The following GALNTL6 variants were observed in gnomAD, a reference collection of about 807,000 sequenced individuals.
The protein encoded by GALNTL6 is polypeptide N-acetylgalactosaminyltransferase like 6.
GALNTL6 carries 46 observed loss-of-function variants against 73.7 expected under a neutral mutation model. That is an observed-to-expected ratio of 0.62 (90% CI 0.49 to 0.80). The LOEUF is 0.80. Ranked by LOEUF, GALNTL6 falls within the 30% of genes least tolerant of loss-of-function variation. GALNTL6 has a pLI of 0.00. For synonymous variants in GALNTL6, 259 were observed against 263.7 expected, an observed-to-expected ratio of 0.98 and a Z score of 0.17; for missense variants, 604 against 755.0, an observed-to-expected ratio of 0.80 and a Z score of 2.34.
intron 2 of GALNTL6, among the ~76,000 whole-genome samples, chr4:172,084,775 T>C (rs1169669039): frequency 1.3e-5 from 2 of 152,200 alleles, no homozygotes; most frequent in Non-Finnish European, 2.9e-5. Context: ...ATCAGTATAA[T>C]GAGTCATATA....
At chr4:171,931,641 A>G (rs1184615664) in intron 2 of GALNTL6, among the ~76,000 whole-genome samples, 1 of 152,220 alleles carries the variant, frequency 6.6e-6, no homozygotes, top group Non-Finnish European at 1.5e-5. Context: ...TGCTTTATAT[A>G]AAAACAATTG....
At chr4:171,828,586 C>T (rs1024315529) in intron 2 of GALNTL6, among the ~76,000 whole-genome samples, 5 of 152,090 alleles carry the variant, frequency 3.3e-5, no homozygotes, top group East Asian at 1.9e-4. Flanking sequence ...CAATGCAGTA[C>T]GCTACATGTC....
rs575907031 is a variant in GALNTL6 at position 172,855,755 on chromosome 4, C to T, written c.924-27035C>T. Among the ~76,000 whole-genome samples the T allele has an allele frequency of 2.2e-4, 34 of 152,314 alleles. No individual in the cohort carries two copies. The South Asian group carries it at 2.7e-3, about 12-fold the overall frequency. ...AGAATTTCCTCAGCATGTAACATTT[C>T]GTTTTTGCACAGCTGTTTCCCGAGG... On this transcript the variant is annotated intron_variant, in intron 7 of 12. Coordinates refer to ENST00000506823, the MANE Select transcript of GALNTL6 (RefSeq NM_001034845.3).
intron 5 of GALNTL6, among the ~76,000 whole-genome samples, chr4:172,602,902 C>T (rs1402485642): frequency 1.3e-5 from 2 of 152,064 alleles, no homozygotes; most frequent in Non-Finnish European, 2.9e-5. Flanking sequence ...TAAAAAGGAA[C>T]AAACTGCTGA....
chr4:172,549,612 A>T (rs967290841), intron 5 of GALNTL6, among the ~76,000 whole-genome samples: 1 of 152,192 alleles, frequency 6.6e-6, no homozygotes, highest in Non-Finnish European at 1.5e-5. Context: ...TAAAAAAAAA[A>T]ATAACAAAAT....
At chr4:172,912,509 C>T (rs1015791165) in intron 8 of GALNTL6, among the ~76,000 whole-genome samples, 2 of 152,224 alleles carry the variant, frequency 1.3e-5, no homozygotes, top group African/African-American at 4.8e-5. Context: ...ATAGGACACT[C>T]CCACCCTAAT....
intron 2 of GALNTL6, among the ~76,000 whole-genome samples, chr4:171,988,552 T>C (rs1414299856): frequency 1.3e-5 from 2 of 151,944 alleles, no homozygotes; most frequent in African/African-American, 4.8e-5. Flanking sequence ...GAGGGAGGTA[T>C]TGAGGATAGG....
chr4:172,365,705 T>TAAAAAAA (rs11303194), intron 5 of GALNTL6, among the ~76,000 whole-genome samples: 1 of 133,274 alleles, frequency 7.5e-6, no homozygotes. Context: ...GTGGGAAATC[T>TAAAAAAA]AAAAAAAAAA....
intron 5 of GALNTL6, among the ~76,000 whole-genome samples, chr4:172,467,929 C>T (rs1192836835): frequency 2.2e-5 from 3 of 135,764 alleles, no homozygotes; most frequent in African/African-American, 5.5e-5. Flanking sequence ...GGATCTTGCT[C>T]TGCCACCCAG....
At chr4:172,948,068 C>A (rs1393354553) in intron 9 of GALNTL6, among the ~76,000 whole-genome samples, 1 of 152,150 alleles carries the variant, frequency 6.6e-6, no homozygotes, top group Non-Finnish European at 1.5e-5. Context: ...ATTTGGCCAG[C>A]CACCTGGTTA....
At chr4:172,046,341 C>A (rs779725997) in intron 2 of GALNTL6, among the ~76,000 whole-genome samples, 3 of 152,090 alleles carry the variant, frequency 2.0e-5, no homozygotes, top group Non-Finnish European at 4.4e-5. Context: ...TTCTGGGGTA[C>A]ATGTGCACAA....
Position 172,368,584 on chromosome 4 carries a change from T to C in GALNTL6, c.553+19895T>C, listed in dbSNP as rs536406275. ...AAGCTCATCTAAAACAGCAAGGATG[T>C]TGTCAAGTGCTGTTGTGTCCGGAAT... On this transcript the variant is annotated intron_variant, in intron 5 of 12. Transcript: ENST00000506823. Among the ~76,000 whole-genome samples the C allele has an allele frequency of 3.3e-5, 5 of 152,338 alleles. No individual in the cohort carries two copies. The East Asian group carries it at 9.7e-4, about 29-fold the overall frequency.
At chr4:172,333,012 G>A (rs1194715684) in intron 4 of GALNTL6, among the ~76,000 whole-genome samples, 5 of 152,112 alleles carry the variant, frequency 3.3e-5, no homozygotes, top group Admixed American at 2.6e-4. Context: ...GGGGTAAGTT[G>A]TTACCTCATT....
At position 172,533,014 on chromosome 4, in the gene GALNTL6, ATT is replaced by A. The variant is rs34090962; in HGVS notation, c.553+184340_553+184341del. Among the ~76,000 whole-genome samples, 478 of 143,548 alleles carry A rather than the reference ATT, an allele frequency of 3.3e-3. 2 individuals carry two copies. Among genetic ancestry groups the A allele is most frequent in the African/African-American group, 0.011 (414 of 39,116 alleles). The allele number at this position is 143,548 out of a possible 152,430, so 94.2% of individuals were successfully genotyped here. Reference sequence around the variant, plus strand: ...TTTAAAAACATTACATTTTTGTAGAATTTTTTTTTTTTTTTTGAGATGGAGTC... The same window carrying A: ...TTTAAAAACATTACATTTTTGTAGAATTTTTTTTTTTTTTGAGATGGAGTC... On this transcript the variant is annotated intron_variant, in intron 5 of 12. Coordinates refer to ENST00000506823, the MANE Select transcript of GALNTL6 (RefSeq NM_001034845.3).
intron 7 of GALNTL6, among the ~76,000 whole-genome samples, chr4:172,833,685 C>A (rs1345971160): frequency 5.3e-5 from 8 of 152,180 alleles, no homozygotes; most frequent in Admixed American, 5.2e-4. Context: ...ACTCTAATGC[C>A]CCATTCTGCA....
intron 5 of GALNTL6, among the ~76,000 whole-genome samples, chr4:172,691,101 G>T (rs762708601): frequency 2.0e-5 from 3 of 152,190 alleles, no homozygotes; most frequent in Non-Finnish European, 4.4e-5. Context: ...AGGCAGGAAA[G>T]TTTCCATGGA....
chr4:171,893,187 G>A (rs193239011), intron 2 of GALNTL6, among the ~76,000 whole-genome samples: 141 of 152,252 alleles, frequency 9.3e-4, no homozygotes, highest in African/African-American at 3.1e-3. Context: ...CTTCAAAGAC[G>A]GCAGACTGCT....
intron 2 of GALNTL6, among the ~76,000 whole-genome samples, chr4:172,089,675 G>T (rs1732144700): frequency 6.6e-6 from 1 of 151,944 alleles, no homozygotes; most frequent in African/African-American, 2.4e-5. Flanking sequence ...TCTTTTCTTA[G>T]GTTCATTCTA....
intron 11 of GALNTL6, among the ~76,000 whole-genome samples, chr4:173,009,871 A>G (rs2126494036): frequency 6.6e-6 from 1 of 152,164 alleles, no homozygotes; most frequent in Non-Finnish European, 1.5e-5. Context: ...GCTTTTTTCT[A>G]TTTTTGGGGG....
Sources: gnomAD v4.1 joint callset for allele counts (sites outside exome capture counted in the v4.1 genomes callset) on GRCh38, gnomAD v4.1.1 for gene constraint, MANE v1.5 for transcripts, NCBI Gene and HGNC (gene_info 2026-07-23, HGNC 2026-07-21) for gene names.